The following PGAP4 variants were observed in gnomAD, a reference collection of about 807,000 sequenced individuals.
The protein encoded by PGAP4 is post-GPI attachment to proteins GalNAc transferase 4, also known as GPI-N-acetylgalactosamine transferase PGAP4.
PGAP4 carries 12 observed loss-of-function variants against 28.2 expected under a neutral mutation model. The observed-to-expected ratio is 0.42, with a 90% CI of 0.27 to 0.69. PGAP4 has a LOEUF of 0.69. Ranked by LOEUF, PGAP4 falls within the 30% of genes least tolerant of loss-of-function variation. The pLI, the probability that PGAP4 is intolerant of heterozygous loss-of-function variation, is 0.22. For synonymous variants in PGAP4, 205 were observed against 211.8 expected (o/e 0.97, Z 0.28); for missense variants, 425 against 513.5 (o/e 0.83, Z 1.67).
upstream of PGAP4, among the ~76,000 whole-genome samples, chr9:101,487,375 G>A (rs184175969): frequency 2.0e-5 from 3 of 152,326 alleles, no homozygotes; most frequent in Admixed American, 1.3e-4. Flanking sequence ...ATCTCTCAAT[G>A]CGTGTAAACG....
At chr9:101,478,491 C>T (rs141055719) in intron 1 of PGAP4, among the ~76,000 whole-genome samples, 4 of 152,342 alleles carry the variant, frequency 2.6e-5, no homozygotes, top group South Asian at 2.1e-4. Context: ...GTGGAGCAGA[C>T]TCAGCCAGTG....
chr9:101,490,475 C>T (rs1256555565), upstream of PGAP4, among the ~76,000 whole-genome samples: 2 of 152,220 alleles, frequency 1.3e-5, no homozygotes, highest in African/African-American at 4.8e-5. Context: ...CAGGCGTGAG[C>T]CACTGCGCTC....
intron 1 of PGAP4, among the ~76,000 whole-genome samples, chr9:101,482,188 C>G (rs1007260836): frequency 2.0e-5 from 3 of 152,216 alleles, no homozygotes; most frequent in Admixed American, 6.5e-5. Flanking sequence ...TGGCTCACAC[C>G]GGTAATCCCA....
chr9:101,501,965 T>A (rs1393678378), intron 2 of PGAP4: 1 of 295,366 alleles, frequency 3.4e-6, no homozygotes, highest in East Asian at 7.7e-5. Context: ...ATCTGCTGGA[T>A]AATAACTTTT....
intron 1 of PGAP4, among the ~76,000 whole-genome samples, chr9:101,481,706 G>T (rs755017513): frequency 6.6e-6 from 1 of 152,174 alleles, no homozygotes; most frequent in Non-Finnish European, 1.5e-5. Flanking sequence ...TAAACTAAAG[G>T]ATCCACGGGT....
intron 2 of PGAP4, among the ~76,000 whole-genome samples, chr9:101,507,924 T>C (rs1047327481): frequency 2.0e-5 from 3 of 152,082 alleles, no homozygotes; most frequent in Non-Finnish European, 4.4e-5. Context: ...CAACATCTTT[T>C]TGAGAGCAGA....
At chr9:101,520,982 A>C (rs1826984737) in intron 2 of PGAP4, among the ~76,000 whole-genome samples, 1 of 151,836 alleles carries the variant, frequency 6.6e-6, no homozygotes, top group South Asian at 2.1e-4. Flanking sequence ...TGATCATGTG[A>C]TTTTTGTTTT....
At position 101,476,261 on chromosome 9, in the gene PGAP4, A is replaced by G; in HGVS notation, c.832T>C (p.Trp278Arg). The G allele has an allele frequency of 6.2e-7, 1 of 1,614,090 alleles. No homozygotes were observed. Among genetic ancestry groups the G allele is most frequent in the Non-Finnish European group, 8.5e-7 (1 of 1,180,010 alleles). Reference protein sequence around the residue: ...VGMLLGPLLTWIYMRFASRPG... With the variant: ...VGMLLGPLLTRIYMRFASRPG... ...CGGCTGGCAAACCTCATGTATATCCAGGTTAGTAAGGGCCCCAGCAACATG... is the reference window on the plus strand; with the variant it reads ...CGGCTGGCAAACCTCATGTATATCCGGGTTAGTAAGGGCCCCAGCAACATG... Residue 278 changes from tryptophan to arginine, a missense_variant, in exon 2 of 2, where the codon TGG (tryptophan) becomes CGG (arginine). Physicochemically the swap from Trp to Arg is moderately radical, Grantham distance 101. Coordinates refer to ENST00000374848, the MANE Select transcript of PGAP4 (RefSeq NM_032342.3). This position sits in a 1 kb window ranked among gnomAD's most constrained non-coding sequence, Gnocchi z 7.0.
Position 101,476,150 on chromosome 9 carries a change from C to T in PGAP4, c.943G>A (p.Glu315Lys). 2 of 1,614,106 alleles carry T rather than the reference C, an allele frequency of 1.2e-6. No individual in the cohort carries two copies. The highest frequency in any genetic ancestry group is 1.7e-6 in the Non-Finnish European group (2 of 1,180,010). The change falls in exon 2 of 2, where the codon GAA (glutamate) becomes AAA (lysine). Residue 315 changes from glutamate to lysine, a missense_variant. Transcript: ENST00000374848. The surrounding 1 kb of genome is among the most constrained non-coding windows in gnomAD (Gnocchi z 7.0). ...VELVGRHYFL[E>K]LRRLSPSLYS... ...AGGGAAGGACTCAGCCGCCGCAGTT[C>T]CAGGAAATAGTGCCGACCCACCAGC...
At chr9:101,529,494 C>T (rs1827067451) in intron 2 of PGAP4, among the ~76,000 whole-genome samples, 1 of 152,182 alleles carries the variant, frequency 6.6e-6, no homozygotes, top group Non-Finnish European at 1.5e-5. Flanking sequence ...CTAAATGGGG[C>T]TCCTCTGACA....
Position 101,476,615 on chromosome 9 carries a change from T to G in PGAP4, c.478A>C (p.Lys160Gln), listed in dbSNP as rs1295264010. The change falls in exon 2 of 2, where the codon AAG becomes CAG. Residue 160 changes from lysine (K) to glutamine (Q), a missense_variant. Lys to Gln is a moderately conservative substitution (Grantham distance 53). Transcript: ENST00000374848. The surrounding 1 kb of genome is among the most constrained non-coding windows in gnomAD (Gnocchi z 7.0). ...VSHFDAKLLS[K>Q]YVPVANRYEG... ...TAGCGATTGGCCACAGGGACATACTTGGAGAGCAACTTGGCATCAAAATGG... is the reference window on the plus strand; with the variant it reads ...TAGCGATTGGCCACAGGGACATACTGGGAGAGCAACTTGGCATCAAAATGG... 1.2e-6 allele frequency: 2 copies of G among 1,614,018 alleles called. No homozygotes were observed. Among genetic ancestry groups the G allele is most frequent in the Admixed American group, 3.3e-5 (2 of 60,008 alleles).
At chr9:101,506,631 A>T (rs1826850984) in intron 2 of PGAP4, among the ~76,000 whole-genome samples, 1 of 152,060 alleles carries the variant, frequency 6.6e-6, no homozygotes, top group Admixed American at 6.6e-5. Context: ...GGTCTACAAA[A>T]TGCCCCTGAC....
chr9:101,526,067 C>A (rs1036740702), intron 2 of PGAP4, among the ~76,000 whole-genome samples: 1 of 151,726 alleles, frequency 6.6e-6, no homozygotes, highest in Admixed American at 6.6e-5. Context: ...TATAAAAGGA[C>A]AGTTTTCATA....
intron 2 of PGAP4, among the ~76,000 whole-genome samples, chr9:101,496,767 A>G (rs1826755002): frequency 1.3e-5 from 2 of 150,904 alleles, no homozygotes; most frequent in Admixed American, 6.6e-5. Context: ...ATACAAAGTT[A>G]TTGCTTTAGC....
intron 2 of PGAP4, among the ~76,000 whole-genome samples, chr9:101,526,616 A>C (rs1465117035): frequency 6.6e-6 from 1 of 151,898 alleles, no homozygotes; most frequent in African/African-American, 2.4e-5. Context: ...TGCCTGGCTA[A>C]TTTTGTGTAT....
rs558507178 is a variant in PGAP4 at position 101,483,811 on chromosome 9, C to T, written c.-78+3138G>A. ...TCTAGAAATAAATTTCAGAAATATG[C>T]AGAATATACACACATACTACAAAAT... On this transcript the variant is annotated intron_variant, in intron 1 of 1. Coordinates refer to ENST00000374848, the MANE Select transcript of PGAP4 (RefSeq NM_032342.3). 3.3e-5 allele frequency among the ~76,000 whole-genome samples: 5 copies of T among 152,016 alleles called. No individual in the cohort carries two copies. In the South Asian group the frequency reaches 1.0e-3, roughly 32 times the overall value.
intron 2 of PGAP4, among the ~76,000 whole-genome samples, chr9:101,512,683 TAACAACAAC>T (rs1012290956): frequency 6.6e-6 from 1 of 152,072 alleles, no homozygotes; most frequent in Non-Finnish European, 1.5e-5. Flanking sequence ...CTATTAACAA[TAACAACAAC>T]AACAACAATA....
intron 2 of PGAP4, among the ~76,000 whole-genome samples, chr9:101,507,959 A>T (rs1826861630): frequency 6.6e-6 from 1 of 152,038 alleles, no homozygotes; most frequent in Non-Finnish European, 1.5e-5. Context: ...AATCCTTTTA[A>T]TCTCACTGTT....
rs540292374 is a variant in PGAP4 at position 101,474,017 on chromosome 9, T to C, written c.*1864A>G. On this transcript the variant is annotated 3_prime_UTR_variant, in exon 2 of 2. Transcript: ENST00000374848. ...TCCTCCAAACTAACATGACAATGTG[T>C]TTCTGCCATCTTAGCTTACAGAGAC... 33 of 152,340 alleles carry C rather than the reference T, an allele frequency of 2.2e-4. 1 individual carries two copies. Among genetic ancestry groups the C allele is most frequent in the African/African-American group, 7.2e-4 (30 of 41,588 alleles). 9.4% of individuals were successfully genotyped at this position (152,340 alleles called of 1,614,324 possible). A position where few individuals can be genotyped will look rare whatever the true frequency, so the allele number is the denominator to read the frequency against.
Sources: gnomAD v4.1 joint callset for allele counts (sites outside exome capture counted in the v4.1 genomes callset) on GRCh38, gnomAD v4.1.1 for gene constraint, Gnocchi (gnomAD v3.1) non-coding constraint, MANE v1.5 for transcripts, NCBI Gene and HGNC (gene_info 2026-07-23, HGNC 2026-07-21) for gene names.